BRWD3: variants seen among roughly 807,000 people sequenced by gnomAD.
BRWD3 encodes bromodomain and WD repeat-containing protein 3.
A neutral mutation model predicts 149.7 loss-of-function variants in BRWD3; 10 were observed. The ratio of observed to expected loss-of-function variants is 0.07; its 90% CI spans 0.04 to 0.11. BRWD3 has a LOEUF of 0.11. BRWD3 is among the 10% of genes least tolerant of loss of function. The pLI is 1.00. For synonymous variants in BRWD3, 504 were observed against 456.7 expected, an observed-to-expected ratio of 1.10 and a Z score of -1.32; for missense variants, 940 against 1,373.2, an observed-to-expected ratio of 0.68 and a Z score of 4.99.
At chrX:80,737,666 C>T (rs1313750711) in intron 8 of BRWD3, among the ~76,000 whole-genome samples, 1 of 111,922 alleles carries the variant, frequency 8.9e-6, no homozygotes, top group Non-Finnish European at 1.9e-5. Flanking sequence ...AAAACCCCGT[C>T]TCTATTAAAA....
chrX:80,802,181 C>G (rs2074304343), intron 4 of BRWD3, among the ~76,000 whole-genome samples: 1 of 111,437 alleles, frequency 9.0e-6, no homozygotes, highest in South Asian at 3.7e-4. Context: ...TGGCTCACGC[C>G]TGTAATCCCA....
At chrX:80,785,314 T>C (rs2074097435) in intron 6 of BRWD3, among the ~76,000 whole-genome samples, 1 of 112,272 alleles carries the variant, frequency 8.9e-6, no homozygotes, top group Non-Finnish European at 1.9e-5. Context: ...TGAAATGGCA[T>C]GACTGGCACT....
intron 6 of BRWD3, among the ~76,000 whole-genome samples, chrX:80,768,958 C>G (rs2073900332): frequency 1.8e-5 from 2 of 110,123 alleles, no homozygotes; most frequent in Non-Finnish European, 3.8e-5. Flanking sequence ...TCTGATAAAA[C>G]AGACTTTAAA....
chrX:80,701,401 C>T (rs980278661), intron 24 of BRWD3, among the ~76,000 whole-genome samples: 1 of 106,583 alleles, frequency 9.4e-6, no homozygotes, highest in Non-Finnish European at 1.9e-5. Context: ...TACAAAAATT[C>T]ACCGGGCGTG....
chrX:80,706,825 T>C lies in BRWD3; in HGVS notation c.2552+602A>G, dbSNP rs758099909. 5.1e-4 allele frequency among the ~76,000 whole-genome samples: 57 copies of C among 111,811 alleles called. 1 individual carries two copies. The highest frequency in any genetic ancestry group is 1.0e-3 in the Non-Finnish European group (53 of 53,072). ...TGGGACGACTGCTTGAGCCCAGGAG[T>C]TCAAGGCATGCCTGGGCAACATAGC... On this transcript the variant is annotated intron_variant, in intron 22 of 40. Transcript: ENST00000373275.
At chrX:80,781,777 A>G (rs895461639) in intron 6 of BRWD3, among the ~76,000 whole-genome samples, 10 of 111,556 alleles carry the variant, frequency 9.0e-5, no homozygotes, top group African/African-American at 2.9e-4. Context: ...TAAATAAAAT[A>G]AAATACCTAG....
At chrX:80,753,961 T>C (rs764149058) in intron 6 of BRWD3, among the ~76,000 whole-genome samples, 1 of 112,178 alleles carries the variant, frequency 8.9e-6, no homozygotes, top group African/African-American at 3.2e-5. Context: ...ACATGATGTC[T>C]CCAGCTTTGT....
intron 6 of BRWD3, among the ~76,000 whole-genome samples, chrX:80,785,971 G>A (rs1602433820): frequency 8.9e-6 from 1 of 112,246 alleles, no homozygotes; most frequent in East Asian, 2.8e-4. Context: ...GGGGGTTGCA[G>A]TGAGCCAAGA....
intron 6 of BRWD3, among the ~76,000 whole-genome samples, chrX:80,749,600 G>A (rs548281471): frequency 6.3e-5 from 7 of 110,728 alleles, no homozygotes; most frequent in African/African-American, 2.3e-4. Flanking sequence ...TCTCCTGTAG[G>A]CAGCATATTA....
intron 19 of BRWD3, among the ~76,000 whole-genome samples, chrX:80,716,585 T>C: frequency 8.9e-6 from 1 of 112,421 alleles, no homozygotes; most frequent in Non-Finnish European, 1.9e-5. Flanking sequence ...ATATAATATT[T>C]GTCCTTTTGT....
chrX:80,696,700 TAC>T, intron 26 of BRWD3, 37 bp downstream of exon 26: 1 of 1,197,850 alleles, frequency 8.3e-7, no homozygotes, highest in South Asian at 1.8e-5. Context: ...GGTATTAAAA[TAC>T]ACACACTCAA....
At chrX:80,699,163 C>T (rs976341692) in intron 25 of BRWD3, among the ~76,000 whole-genome samples, 6 of 110,193 alleles carry the variant, frequency 5.4e-5, no homozygotes, top group Non-Finnish European at 9.5e-5. Flanking sequence ...TGCAGTGAGC[C>T]GAGATAGGGC....
At chrX:80,766,376 A>C (rs1293971869) in intron 6 of BRWD3, among the ~76,000 whole-genome samples, 1 of 111,145 alleles carries the variant, frequency 9.0e-6, no homozygotes, top group Non-Finnish European at 1.9e-5. Flanking sequence ...ATAATCACAT[A>C]AACGACTTCC....
intron 20 of BRWD3, among the ~76,000 whole-genome samples, chrX:80,711,645 T>G (rs891970273): frequency 2.9e-4 from 33 of 112,147 alleles, no homozygotes; most frequent in Admixed American, 1.9e-4. Context: ...CCTAGAGGCT[T>G]CTTCTGCGTA....
At chrX:80,725,112 T>C in intron 14 of BRWD3, 45 bp from the exon 15 acceptor site, 1 of 1,168,323 alleles carries the variant, frequency 8.6e-7, no homozygotes, top group South Asian at 1.8e-5. Context: ...CACGAAATGT[T>C]TGGTTCATTT....
intron 6 of BRWD3, among the ~76,000 whole-genome samples, chrX:80,760,977 T>G (rs1443915763): frequency 1.8e-5 from 2 of 110,610 alleles, no homozygotes; most frequent in East Asian, 5.7e-4. Context: ...AGCCCAGGAG[T>G]TGAAAGTTGC....
In BRWD3 at chrX:80,712,202, G is replaced by A. The variant is rs1456776705; in HGVS notation, c.2326-2625C>T. ...CACGGTATCCCTCTGATGCCGAGCC[G>A]AAGCTGGACTGTACTGCTGCCATCT... On this transcript the variant is annotated intron_variant, in intron 20 of 40. Coordinates refer to ENST00000373275, the MANE Select transcript of BRWD3 (RefSeq NM_153252.5). 2.7e-5 allele frequency among the ~76,000 whole-genome samples: 3 copies of A among 111,599 alleles called. No individual in the cohort carries two copies. The Admixed American group carries it at 2.8e-4, about 11-fold the overall frequency.
chrX:80,735,243 A>G (rs758036458), intron 9 of BRWD3, 46 bp from the exon 10 acceptor site: 3 of 1,001,125 alleles, frequency 3.0e-6, no homozygotes, highest in Non-Finnish European at 4.3e-6. Flanking sequence ...ATGTTTGGCT[A>G]ATGGGCCAGA....
At chrX:80,746,399 T>G (rs2073593858) in intron 6 of BRWD3, among the ~76,000 whole-genome samples, 1 of 110,884 alleles carries the variant, frequency 9.0e-6, no homozygotes, top group African/African-American at 3.3e-5. Flanking sequence ...CATTTTTTTT[T>G]CTTGTTCGCT....
Sources: allele counts gnomAD v4.1 joint callset (sites outside exome capture counted in the v4.1 genomes callset), GRCh38; gene constraint gnomAD v4.1.1; transcripts MANE v1.5; gene names NCBI Gene and HGNC (gene_info 2026-07-23, HGNC 2026-07-21).